The following LRRC8A variants were observed in gnomAD, a reference collection of about 807,000 sequenced individuals.
LRRC8A encodes volume-regulated anion channel subunit LRRC8A.
A neutral mutation model predicts 52.5 loss-of-function variants in LRRC8A; 24 were observed. The ratio of observed to expected loss-of-function variants is 0.46; its 90% CI spans 0.33 to 0.64. The LOEUF is 0.64. Ranked by LOEUF, LRRC8A falls within the 30% of genes least tolerant of loss-of-function variation. The probability of loss-of-function intolerance (pLI) is 0.02; values close to 1 mark genes in which losing one functional copy is unlikely to be tolerated. For missense variants in LRRC8A, 677 were observed against 1,094.7 expected (o/e 0.62, Z 5.38); for synonymous variants, 492 against 494.2 (o/e 1.00, Z 0.06).
chr9:128,882,412 G>A (rs1211429716), intron 1 of LRRC8A, 162 bp downstream of exon 1: 1 of 295,832 alleles, frequency 3.4e-6, no homozygotes, highest in Non-Finnish European at 6.2e-6. Flanking sequence ...CCTACCTCTG[G>A]GCTCCCCAGT....
rs1043197355 is a variant in LRRC8A at position 128,916,380 on chromosome 9, G to A, written c.*9G>A. 12 of 1,602,844 alleles carry A rather than the reference G, an allele frequency of 7.5e-6. No homozygotes were observed. The highest frequency in any genetic ancestry group is 2.7e-5 in the African/African-American group (2 of 74,688). ...ACAAGGAGCAGGCCTGAGCGAGGCCGGCCCAGCACAGCAAGCAGCAGGACC... is the reference window on the plus strand; with the variant it reads ...ACAAGGAGCAGGCCTGAGCGAGGCCAGCCCAGCACAGCAAGCAGCAGGACC... On this transcript the variant is annotated 3_prime_UTR_variant, in exon 4 of 4. Transcript: ENST00000372600. The surrounding 1 kb of genome is among the most constrained non-coding windows in gnomAD (Gnocchi z 6.1).
At position 128,883,818 on chromosome 9, in the gene LRRC8A, C is replaced by CA. The variant is rs1190983781; in HGVS notation, c.-116+1574dup. On this transcript the variant is annotated intron_variant, in intron 1 of 3. Transcript: ENST00000372600. ...TGAAACCTTGTCTCTACTAAAAATA[C>CA]AAAAAATTAGCCAGGCATGGGGCTG... 1.6e-4 allele frequency among the ~76,000 whole-genome samples: 24 copies of CA among 152,016 alleles called. 1 individual carries two copies. Among genetic ancestry groups the CA allele is most frequent in the Admixed American group, 1.6e-3 (24 of 15,256 alleles).
intron 3 of LRRC8A, among the ~76,000 whole-genome samples, chr9:128,915,096 T>C (rs1363584133): frequency 6.6e-6 from 1 of 152,176 alleles, no homozygotes; most frequent in Non-Finnish European, 1.5e-5. Context: ...GCTGGTTAAA[T>C]AAATTAATAG....
In LRRC8A at chr9:128,892,112, C is replaced by A. The variant is rs1839645137; in HGVS notation, c.-9+5991C>A. Among the ~76,000 whole-genome samples, 1 of 152,234 alleles carries A rather than the reference C, an allele frequency of 6.6e-6. No homozygotes were observed. The highest frequency in any genetic ancestry group is 6.5e-5 in the Admixed American group (1 of 15,276). ...TCAACCCATTTTACAGATGAGGAAA[C>A]CAGAGCCCAGCGAGGTGAAGGGACT... is the stretch of plus-strand genomic sequence containing the variant. On this transcript the variant is annotated intron_variant, in intron 2 of 3. Transcript: ENST00000372600. The surrounding 1 kb of genome is among the most constrained non-coding windows in gnomAD (Gnocchi z 5.2).
chr9:128,897,445 T>C (rs13297295), intron 2 of LRRC8A, among the ~76,000 whole-genome samples: 12,929 of 152,038 alleles, frequency 0.085, 673 homozygotes, highest in South Asian at 0.14. Flanking sequence ...ACTCCTGAGG[T>C]GATCAGCCCA....
chr9:128,903,505 C>T (rs180975521), intron 2 of LRRC8A, among the ~76,000 whole-genome samples: 97 of 151,624 alleles, frequency 6.4e-4, no homozygotes, highest in African/African-American at 1.4e-3. Context: ...CTCCACTTCC[C>T]GGGTTCACGC....
At chr9:128,895,448 T>G (rs1839787289) in intron 2 of LRRC8A, among the ~76,000 whole-genome samples, 3 of 152,248 alleles carry the variant, frequency 2.0e-5, no homozygotes, top group African/African-American at 7.2e-5. Flanking sequence ...GATTTGAACC[T>G]ACATGTCCCA....
At chr9:128,903,995 C>A (rs937001533) in intron 2 of LRRC8A, among the ~76,000 whole-genome samples, 2 of 151,318 alleles carry the variant, frequency 1.3e-5, no homozygotes, top group African/African-American at 4.9e-5. Flanking sequence ...GCCACTGCAC[C>A]CCAGCCTGGG....
intron 1 of LRRC8A, chr9:128,882,499 C>G: frequency 2.6e-6 from 1 of 390,424 alleles, no homozygotes; most frequent in Non-Finnish European, 4.5e-6. Context: ...CCTGTGCCTC[C>G]TTGTGCTTCA....
In LRRC8A at chr9:128,902,919, C is replaced by G. The variant is rs772721547; in HGVS notation, c.-8-4238C>G. Among the ~76,000 whole-genome samples, 4 of 152,116 alleles carry G rather than the reference C, an allele frequency of 2.6e-5. No individual in the cohort carries two copies. Among genetic ancestry groups the G allele is most frequent in the African/African-American group, 7.2e-5 (3 of 41,424 alleles). On this transcript the variant is annotated intron_variant, in intron 2 of 3. Coordinates refer to ENST00000372600, the MANE Select transcript of LRRC8A (RefSeq NM_019594.4). This position sits in a 1 kb window ranked among gnomAD's most constrained non-coding sequence, Gnocchi z 4.1. ...GTGGTGTCTGCTGGCCCCTTTGTGA[C>G]CTGAGCGCTGGTAATGCTGAGGGGC... is the stretch of plus-strand genomic sequence containing the variant.
intron 3 of LRRC8A, among the ~76,000 whole-genome samples, chr9:128,909,570 G>C (rs1840412311): frequency 6.6e-6 from 1 of 152,250 alleles, no homozygotes; most frequent in Non-Finnish European, 1.5e-5. Context: ...AAATGTTGCA[G>C]TTCTCCTGCC....
At chr9:128,909,698 C>T (rs184514286) in intron 3 of LRRC8A, among the ~76,000 whole-genome samples, 8 of 152,292 alleles carry the variant, frequency 5.3e-5, no homozygotes, top group Admixed American at 2.6e-4. Flanking sequence ...CTCGCAAAGC[C>T]GGGTGGTGGG....
intron 3 of LRRC8A, among the ~76,000 whole-genome samples, chr9:128,914,539 G>C (rs1015899453): frequency 6.6e-6 from 1 of 152,220 alleles, no homozygotes; most frequent in African/African-American, 2.4e-5. Context: ...GAAATAAGAC[G>C]TACATCCTCT....
intron 3 of LRRC8A, 39 bp downstream of exon 3, chr9:128,909,360 G>A (rs548161176): frequency 1.3e-6 from 2 of 1,588,094 alleles, no homozygotes; most frequent in East Asian, 4.5e-5. Context: ...TGGGCTGGCG[G>A]GTGGCCTGGC....
chr9:128,897,537 C>T (rs1024340561), intron 2 of LRRC8A, among the ~76,000 whole-genome samples: 4 of 151,742 alleles, frequency 2.6e-5, no homozygotes, highest in South Asian at 2.1e-4. Flanking sequence ...CCTTTGAGAT[C>T]GTGATTTAAA....
At position 128,917,056 on chromosome 9, in the gene LRRC8A, A is replaced by AT. The variant is rs200190934; in HGVS notation, c.*692dup. The AT allele has an allele frequency of 3.6e-3, 453 of 125,376 alleles. 4 individuals carry two copies. Among genetic ancestry groups the AT allele is most frequent in the South Asian group, 5.1e-3 (20 of 3,928 alleles). The allele number at this position is 125,376 out of a possible 1,614,324, so 7.8% of individuals were successfully genotyped here. On this transcript the variant is annotated 3_prime_UTR_variant, in exon 4 of 4. Coordinates refer to ENST00000372600, the MANE Select transcript of LRRC8A (RefSeq NM_019594.4). ...TTTTTTTTTTTTTAATCAAAAAACA[A>AT]TTTTTTTAAAAAAAAAGCTTTGAAA...
intron 2 of LRRC8A, among the ~76,000 whole-genome samples, chr9:128,896,233 A>G (rs1839819238): frequency 6.6e-6 from 1 of 152,270 alleles, no homozygotes; most frequent in Non-Finnish European, 1.5e-5. Flanking sequence ...GTTTATCCAC[A>G]TTGATACATG....
rs1228640256 is a variant in LRRC8A at position 128,899,762 on chromosome 9, T to G, written c.-8-7395T>G. On this transcript the variant is annotated intron_variant, in intron 2 of 3. Coordinates refer to ENST00000372600, the MANE Select transcript of LRRC8A (RefSeq NM_019594.4). The surrounding 1 kb of genome is among the most constrained non-coding windows in gnomAD (Gnocchi z 4.0). ...GCGGTGGGAGGAAGGGGTGTCGTGT[T>G]TAAGGGGTGTGGGTTTCAGTTTAAC... Among the ~76,000 whole-genome samples the G allele has an allele frequency of 6.6e-6, 1 of 152,000 alleles. No individual in the cohort carries two copies. Among genetic ancestry groups the G allele is most frequent in the Non-Finnish European group, 1.5e-5 (1 of 67,978 alleles).
chr9:128,914,781 C>T (rs1840733264), intron 3 of LRRC8A, among the ~76,000 whole-genome samples: 1 of 152,234 alleles, frequency 6.6e-6, no homozygotes, highest in Non-Finnish European at 1.5e-5. Flanking sequence ...AACTCATGGC[C>T]TTACTTACAC....
Sources: gnomAD v4.1 joint callset for allele counts (sites outside exome capture counted in the v4.1 genomes callset) on GRCh38, gnomAD v4.1.1 for gene constraint, Gnocchi (gnomAD v3.1) non-coding constraint, MANE v1.5 for transcripts, NCBI Gene and HGNC (gene_info 2026-07-23, HGNC 2026-07-21) for gene names.